The following CCDC171 variants were observed in gnomAD, a reference collection of about 807,000 sequenced individuals.
The protein encoded by CCDC171 is coiled-coil domain-containing protein 171.
In CCDC171, 177 loss-of-function variants were observed where a neutral mutation model predicts 168.2. The observed-to-expected ratio is 1.05, with a 90% CI of 0.93 to 1.19. CCDC171 has a LOEUF of 1.19. CCDC171 is among the 50% of genes most tolerant of loss of function. CCDC171 has a pLI of 0.00. For missense variants in CCDC171, 1,991 were observed against 1,539.0 expected, an observed-to-expected ratio of 1.29 and a Z score of -4.91; for synonymous variants, 687 against 540.8, an observed-to-expected ratio of 1.27 and a Z score of -3.75.
chr9:15,684,231 A>G (rs1224185583), intron 10 of CCDC171, among the ~76,000 whole-genome samples: 1 of 152,120 alleles, frequency 6.6e-6, no homozygotes, highest in Non-Finnish European at 1.5e-5. Flanking sequence ...CTTAACATAT[A>G]TTTAAATAAA....
intron 14 of CCDC171, 84 bp downstream of exon 14, chr9:15,725,060 T>A (rs1296569446): frequency 9.9e-7 from 1 of 1,005,862 alleles, no homozygotes; most frequent in African/African-American, 1.6e-5. Flanking sequence ...TTTACTTGTA[T>A]TTAATTAAGA....
Position 15,880,295 on chromosome 9 carries a change from A to C in CCDC171, c.3600+5632A>C, listed in dbSNP as rs143045665. Among the ~76,000 whole-genome samples, 918 of 152,254 alleles carry C rather than the reference A, an allele frequency of 6.0e-3. 5 individuals carry two copies. Among genetic ancestry groups the C allele is most frequent in the Non-Finnish European group, 9.9e-3 (676 of 68,024 alleles). On this transcript the variant is annotated intron_variant, in intron 24 of 25. Transcript: ENST00000380701. ...ATTATCCAAAGTTGTTGTCTATAGG[A>C]GTTTGTGCAATTCTCTTTATTCTTT...
chr9:15,842,398 C>T (rs531696682), intron 21 of CCDC171, among the ~76,000 whole-genome samples: 28 of 151,982 alleles, frequency 1.8e-4, no homozygotes, highest in African/African-American at 6.0e-4. Context: ...ATAACTTTAA[C>T]GTTTGTACTG....
At chr9:15,873,104 A>G (rs1204030072) in intron 23 of CCDC171, among the ~76,000 whole-genome samples, 1 of 152,008 alleles carries the variant, frequency 6.6e-6, no homozygotes, top group Non-Finnish European at 1.5e-5. Context: ...TCTCTTATTG[A>G]CAGAAAGTCT....
At chr9:15,822,363 C>T (rs1212162286) in intron 21 of CCDC171, among the ~76,000 whole-genome samples, 2 of 151,402 alleles carry the variant, frequency 1.3e-5, no homozygotes, top group African/African-American at 4.9e-5. Context: ...AGCTTCTGCA[C>T]AGCAAAAGAA....
intron 8 of CCDC171, among the ~76,000 whole-genome samples, chr9:15,663,025 A>AAG (rs1564163448): frequency 6.8e-6 from 1 of 147,998 alleles, no homozygotes; most frequent in African/African-American, 2.5e-5. Flanking sequence ...ACAACAACAA[A>AAG]TTGCCTGATT....
intron 21 of CCDC171, among the ~76,000 whole-genome samples, chr9:15,812,238 GTTATC>G (rs1266985517): frequency 6.6e-6 from 1 of 152,164 alleles, no homozygotes; most frequent in Non-Finnish European, 1.5e-5. Context: ...ATTCAAACCT[GTTATC>G]TTAGATGGCT....
At chr9:15,792,260 A>G (rs1442613758) in intron 21 of CCDC171, among the ~76,000 whole-genome samples, 5 of 152,252 alleles carry the variant, frequency 3.3e-5, no homozygotes, top group Admixed American at 6.5e-5. Context: ...AAGTGAGAAG[A>G]GAAGTTTAGA....
chr9:15,794,914 C>T (rs2058473919), intron 21 of CCDC171, among the ~76,000 whole-genome samples: 1 of 152,158 alleles, frequency 6.6e-6, no homozygotes, highest in African/African-American at 2.4e-5. Context: ...TTGGAATTGT[C>T]TTGTAATGTA....
chr9:15,906,994 A>G (rs1267191266), intron 24 of CCDC171, among the ~76,000 whole-genome samples: 1 of 152,150 alleles, frequency 6.6e-6, no homozygotes, highest in Admixed American at 6.5e-5. Context: ...CCACTGCTCA[A>G]TGAAATAAAA....
the CCDC171 span, among the ~76,000 whole-genome samples, chr9:16,090,409 C>T: frequency 1.3e-5 from 2 of 151,948 alleles, no homozygotes; most frequent in Non-Finnish European, 2.9e-5. Context: ...CACACCGGGG[C>T]CTGTTAGGGG....
intron 24 of CCDC171, among the ~76,000 whole-genome samples, chr9:15,912,524 T>G (rs1383028049): frequency 6.6e-6 from 1 of 152,172 alleles, no homozygotes; most frequent in Non-Finnish European, 1.5e-5. Flanking sequence ...CTCTTCCTAT[T>G]TGAATACCCT....
Position 16,037,257 on chromosome 9 carries a change from A to G in CCDC171, n.1181+1051A>G, listed in dbSNP as rs1833488608. On this transcript the variant is annotated intron_variant and non_coding_transcript_variant, in intron 8 of 9. Transcript: ENST00000486641. ...ATATGAAAATGCCACTCTGTACCCA[A>G]TAAATATGTACAATTATCACATGTC... Among the ~76,000 whole-genome samples, 8 of 152,338 alleles carry G rather than the reference A, an allele frequency of 5.3e-5. No homozygotes were observed. The South Asian group carries it at 8.3e-4, about 16-fold the overall frequency.
chr9:15,739,948 A>G (rs750853234), intron 16 of CCDC171, among the ~76,000 whole-genome samples: 10 of 152,240 alleles, frequency 6.6e-5, no homozygotes, highest in Non-Finnish European at 1.3e-4. Flanking sequence ...TGTGTTAGCC[A>G]GGATGGTCTC....
In CCDC171 at chr9:15,736,232, C is replaced by T. The variant is rs186993925; in HGVS notation, c.2049+6434C>T. Among the ~76,000 whole-genome samples, 257 of 152,252 alleles carry T rather than the reference C, an allele frequency of 1.7e-3. 1 individual carries two copies. The highest frequency in any genetic ancestry group is 6.1e-3 in the Admixed American group (93 of 15,290). On this transcript the variant is annotated intron_variant, in intron 16 of 25. Coordinates refer to ENST00000380701, the MANE Select transcript of CCDC171 (RefSeq NM_173550.4). The stretch of plus-strand genomic sequence containing the variant: ...GTACGTTTTTACCATCCTTATCTTC[C>T]AGTCCCTTTTGCATTATATTGTAAT...
chr9:15,988,566 A>G (rs2382545), intron 3 of CCDC171, among the ~76,000 whole-genome samples: 75,154 of 151,842 alleles, frequency 0.49, 19,993 homozygotes, highest in African/African-American at 0.7. Flanking sequence ...GGGGCTTGTC[A>G]GACAGTGGGG....
chr9:15,722,633 A>G (rs372818486), intron 12 of CCDC171, among the ~76,000 whole-genome samples: 1 of 152,324 alleles, frequency 6.6e-6, no homozygotes, highest in East Asian at 1.9e-4. Context: ...ATAGCATGGA[A>G]TTTGGAGTTT....
At chr9:16,075,247 G>A in the CCDC171 span, among the ~76,000 whole-genome samples, 1 of 151,940 alleles carries the variant, frequency 6.6e-6, no homozygotes, top group East Asian at 1.9e-4. Context: ...ACCCTAATTC[G>A]TTATTTGGCT....
chr9:15,583,613 T>G (rs1404852734), intron 4 of CCDC171, among the ~76,000 whole-genome samples: 1 of 151,984 alleles, frequency 6.6e-6, no homozygotes, highest in Non-Finnish European at 1.5e-5. Context: ...TATAATGGAC[T>G]TTGGGGACTC....
Sources: gnomAD v4.1 joint callset for allele counts (sites outside exome capture counted in the v4.1 genomes callset) on GRCh38, gnomAD v4.1.1 for gene constraint, MANE v1.5 for transcripts, NCBI Gene and HGNC (gene_info 2026-07-23, HGNC 2026-07-21) for gene names.